The following SCLY variants were observed in gnomAD, a reference collection of about 807,000 sequenced individuals.
SCLY encodes selenocysteine lyase.
A neutral mutation model predicts 50.1 loss-of-function variants in SCLY; 38 were observed. The ratio of observed to expected loss-of-function variants is 0.76; its 90% CI spans 0.59 to 0.99. The LOEUF (loss-of-function observed/expected upper bound fraction) is 0.99, where lower values mean the gene tolerates loss of function less well. Among genes scored for constraint, SCLY ranks in the 50% least tolerant of loss-of-function variants. The pLI is 0.00. For synonymous variants in SCLY, 243 were observed against 249.4 expected, an observed-to-expected ratio of 0.97 and a Z score of 0.24; for missense variants, 600 against 620.0, an observed-to-expected ratio of 0.97 and a Z score of 0.34.
chr2:238,062,675 G>T lies in SCLY; in HGVS notation c.89+1532G>T, dbSNP rs544094920. Among the ~76,000 whole-genome samples the T allele has an allele frequency of 6.6e-5, 10 of 152,360 alleles. No individual in the cohort carries two copies. In the South Asian group the frequency reaches 1.0e-3, roughly 16 times the overall value. On this transcript the variant is annotated intron_variant, in intron 1 of 11. Coordinates refer to ENST00000254663, the MANE Select transcript of SCLY (RefSeq NM_016510.7). ...GATCTGCCCGCCTTGGCCTCCCAAA[G>T]TGCCGGGATTACAGGCGTGAGCCAC...
rs890731833 is a variant in SCLY, at chr2:238,083,659, T to G, written c.884+305T>G. Among the ~76,000 whole-genome samples the G allele has an allele frequency of 6.6e-6, 1 of 152,240 alleles. No individual in the cohort carries two copies. The highest frequency in any genetic ancestry group is 2.4e-5 in the African/African-American group (1 of 41,474). The stretch of plus-strand genomic sequence containing the variant: ...CTGAAGAGAACTGTTGGACCCTTCA[T>G]GGCTGAGGCCTGCTGCTGTTTTAAC... On this transcript the variant is annotated intron_variant, in intron 7 of 11. Transcript: ENST00000254663. The surrounding 1 kb of genome is among the most constrained non-coding windows in gnomAD (Gnocchi z 4.3).
At chr2:238,077,788 T>C (rs917325226) in intron 4 of SCLY, among the ~76,000 whole-genome samples, 2 of 152,192 alleles carry the variant, frequency 1.3e-5, no homozygotes, top group Non-Finnish European at 2.9e-5. Context: ...TCCTGCTAGC[T>C]ATCTTGTAAG....
Position 238,098,419 on chromosome 2 carries a change from C to CAGGAGGGAACTGGAGGGA in SCLY, c.*64_*65insAGGAGGGAACTGGAGGGA. ...CGTGGCAGGGCACAGGGTTGTCCCTCCAGTTCCCTCCTGAGGGCTGTGCCA... is the reference window on the plus strand; with the variant it reads ...CGTGGCAGGGCACAGGGTTGTCCCTCAGGAGGGAACTGGAGGGACAGTTCCCTCCTGAGGGCTGTGCCA... On this transcript the variant is annotated 3_prime_UTR_variant, in exon 12 of 12. Coordinates refer to ENST00000254663, the MANE Select transcript of SCLY (RefSeq NM_016510.7). 1 of 1,482,148 alleles carries CAGGAGGGAACTGGAGGGA rather than the reference C, an allele frequency of 6.7e-7. No homozygotes were observed. The highest frequency in any genetic ancestry group is 9.0e-7 in the Non-Finnish European group (1 of 1,110,064). The allele number at this position is 1,482,148 out of a possible 1,614,324, so 91.8% of individuals were successfully genotyped here. A position where few individuals can be genotyped will look rare whatever the true frequency, so the allele number is the denominator to read the frequency against.
Position 238,094,573 on chromosome 2 carries a change from T to C in SCLY, c.1108+51T>C, listed in dbSNP as rs1398409088. The C allele has an allele frequency of 2.1e-6, 3 of 1,462,374 alleles. No individual in the cohort carries two copies. In the African/African-American group the frequency reaches 4.2e-5, roughly 20 times the overall value. 90.6% of individuals were successfully genotyped at this position (1,462,374 alleles called of 1,614,324 possible). On this transcript the variant is annotated intron_variant, in intron 10 of 11. Coordinates refer to ENST00000254663, the MANE Select transcript of SCLY (RefSeq NM_016510.7). The stretch of plus-strand genomic sequence containing the variant: ...CCGAGTGTGAGCACAGCTCCCTCGG[T>C]GCGTGGATTCTGGTCCGAGCCAGTG...
intron 4 of SCLY, among the ~76,000 whole-genome samples, chr2:238,074,213 G>A (rs1332857107): frequency 6.6e-6 from 1 of 152,006 alleles, no homozygotes; most frequent in Non-Finnish European, 1.5e-5. Flanking sequence ...GGCTGAGGCA[G>A]GAGAATCACT....
Position 238,099,167 on chromosome 2 carries a change from G to A in SCLY, c.*812G>A. ...CCTCGCTGAGTTGGTGCAGCTCCAG[G>A]TCATTCCTGGGGTGGGAATCGGATC... On this transcript the variant is annotated 3_prime_UTR_variant, in exon 12 of 12. Coordinates refer to ENST00000254663, the MANE Select transcript of SCLY (RefSeq NM_016510.7). 8.8e-6 allele frequency: 4 copies of A among 453,656 alleles called. No individual in the cohort carries two copies. The highest frequency in any genetic ancestry group is 1.4e-5 in the Non-Finnish European group (3 of 218,086). 28.1% of individuals were successfully genotyped at this position (453,656 alleles called of 1,614,324 possible). A position where few individuals can be genotyped will look rare whatever the true frequency, so the allele number is the denominator to read the frequency against.
intron 3 of SCLY, among the ~76,000 whole-genome samples, chr2:238,068,683 T>C (rs1038587573): frequency 1.3e-5 from 2 of 152,392 alleles, no homozygotes; most frequent in East Asian, 1.9e-4. Flanking sequence ...CTGCTTTGCA[T>C]TGTTATTTCC....
At position 238,098,198 on chromosome 2, in the gene SCLY, C is replaced by A; in HGVS notation, c.1185-4C>A. 1 of 1,609,564 alleles carries A rather than the reference C, an allele frequency of 6.2e-7. No homozygotes were observed. ...CAGCTGCAGCTCGGTCTCGCCCTCCCCAGGCCGTCCCCAGTGCTGCTGAGC... is the reference window on the plus strand; with the variant it reads ...CAGCTGCAGCTCGGTCTCGCCCTCCACAGGCCGTCCCCAGTGCTGCTGAGC... On this transcript the variant is annotated splice_region_variant and splice_polypyrimidine_tract_variant and intron_variant, in intron 11 of 11. Transcript: ENST00000254663.
intron 8 of SCLY, chr2:238,091,554 CCCAA>C: frequency 5.7e-5 from 20 of 349,582 alleles, no homozygotes; most frequent in South Asian, 1.0e-4. Flanking sequence ...GTTCACCATT[CCCAA>C]AGGCGTCGGC....
At chr2:238,071,459 T>A (rs1277412293) in intron 4 of SCLY, among the ~76,000 whole-genome samples, 1 of 151,816 alleles carries the variant, frequency 6.6e-6, no homozygotes, top group Non-Finnish European at 1.5e-5. Flanking sequence ...ACAAAAAAAA[T>A]TTAGCCGGGC....
At chr2:238,085,491 A>C (rs750163012) in intron 7 of SCLY, among the ~76,000 whole-genome samples, 2 of 151,010 alleles carry the variant, frequency 1.3e-5, no homozygotes, top group Non-Finnish European at 3.0e-5. Flanking sequence ...GGCCGAGGTG[A>C]GCGGATCACA....
intron 7 of SCLY, among the ~76,000 whole-genome samples, chr2:238,090,551 A>T (rs2065350907): frequency 6.6e-6 from 1 of 152,204 alleles, no homozygotes; most frequent in South Asian, 2.1e-4. Flanking sequence ...GAGGCAGGAG[A>T]ATCACTTGAA....
At chr2:238,078,298 A>C (rs985826236) in intron 4 of SCLY, among the ~76,000 whole-genome samples, 6 of 152,008 alleles carry the variant, frequency 3.9e-5, no homozygotes, top group African/African-American at 1.5e-4. Flanking sequence ...TTTTTATTAG[A>C]TTGTTTAATC....
intron 5 of SCLY, 60 bp from the exon 6 acceptor site, chr2:238,081,983 TTC>T: frequency 6.3e-7 from 1 of 1,585,788 alleles, no homozygotes; most frequent in Non-Finnish European, 8.6e-7. Flanking sequence ...TACTCCTGAT[TTC>T]TGTCATTCAG....
chr2:238,061,379 T>C (rs1163170102), intron 1 of SCLY: 3 of 680,918 alleles, frequency 4.4e-6, no homozygotes. Flanking sequence ...CCGAGTGACT[T>C]CCAGGGGTGA....
At chr2:238,079,576 A>C (rs1020693021) in intron 4 of SCLY, 14 of 152,230 alleles carry the variant, frequency 9.2e-5, no homozygotes, top group African/African-American at 3.4e-4. Flanking sequence ...TTATAGCCCT[A>C]ACAAAATAAT....
At chr2:238,071,649 A>G (rs2065129126) in intron 4 of SCLY, among the ~76,000 whole-genome samples, 1 of 152,162 alleles carries the variant, frequency 6.6e-6, no homozygotes, top group African/African-American at 2.4e-5. Context: ...TGCTGCCCCT[A>G]AACCTCTGCA....
In SCLY at chr2:238,065,660, T is replaced by TTTTTTATTA. The variant is rs71402758; in HGVS notation, c.202+1193_202+1194insTTTATTATT. 1.7e-3 allele frequency among the ~76,000 whole-genome samples: 243 copies of TTTTTTATTA among 143,482 alleles called. 3 individuals are homozygous for TTTTTTATTA. Among genetic ancestry groups the TTTTTTATTA allele is most frequent in the Admixed American group, 5.4e-3 (78 of 14,410 alleles). 94.1% of individuals were successfully genotyped at this position (143,482 alleles called of 152,430 possible). A position where few individuals can be genotyped will look rare whatever the true frequency, so the allele number is the denominator to read the frequency against. On this transcript the variant is annotated intron_variant, in intron 2 of 11. Transcript: ENST00000254663. ...GTTATTTAAACTAATAATATTTTATTTTATTATTATTATTATTATTATTAT... is the reference window on the plus strand; with the variant it reads ...GTTATTTAAACTAATAATATTTTATTTTTTTATTATTATTATTATTATTATTATTATTAT...
At chr2:238,094,395 C>G in intron 9 of SCLY, 25 bp from the exon 10 acceptor site, 1 of 1,596,054 alleles carries the variant, frequency 6.3e-7, no homozygotes. Flanking sequence ...AAGCTGTCAC[C>G]AAATATTTCA....
Sources: gnomAD v4.1 joint callset for allele counts (sites outside exome capture counted in the v4.1 genomes callset) on GRCh38, gnomAD v4.1.1 for gene constraint, Gnocchi (gnomAD v3.1) non-coding constraint, MANE v1.5 for transcripts, NCBI Gene and HGNC (gene_info 2026-07-23, HGNC 2026-07-21) for gene names.